CATSPERT: variants seen among roughly 807,000 people sequenced by gnomAD.
CATSPERT encodes catsper channel auxiliary subunit tau, also known as cation channel sperm-associated targeting subunit tau.
chr2:201,592,658 A>T, the CATSPERT span, among the ~76,000 whole-genome samples: 2 of 151,546 alleles, frequency 1.3e-5, no homozygotes, highest in Non-Finnish European at 2.9e-5. Flanking sequence ...ACAATTTCAG[A>T]GCCTGTTATT....
chr2:201,598,385 G>A, the CATSPERT span, among the ~76,000 whole-genome samples: 34 of 152,004 alleles, frequency 2.2e-4, no homozygotes, highest in Admixed American at 2.1e-3. Flanking sequence ...GATTATAGGC[G>A]TGAGCCACTA....
the CATSPERT span, among the ~76,000 whole-genome samples, chr2:201,618,530 G>T: frequency 6.9e-6 from 1 of 145,400 alleles, no homozygotes; most frequent in Admixed American, 6.9e-5. Flanking sequence ...TGGACACGGG[G>T]GGGGAACATC....
the CATSPERT span, chr2:201,603,341 T>C: frequency 7.4e-7 from 1 of 1,348,118 alleles, no homozygotes. Context: ...TCTTTCACTT[T>C]ACACTGAGCT....
At chr2:201,489,699 T>C in the CATSPERT span, among the ~76,000 whole-genome samples, 1 of 152,202 alleles carries the variant, frequency 6.6e-6, no homozygotes, top group Non-Finnish European at 1.5e-5. Context: ...TTTTACTTAC[T>C]CATATTTACT....
At chr2:201,589,151 A>G in the CATSPERT span, among the ~76,000 whole-genome samples, 1 of 152,242 alleles carries the variant, frequency 6.6e-6, no homozygotes, top group African/African-American at 2.4e-5. Flanking sequence ...CATAGAAAGA[A>G]TCAATATCAT....
the CATSPERT span, among the ~76,000 whole-genome samples, chr2:201,501,378 AG>A: frequency 7.1e-6 from 1 of 140,282 alleles, no homozygotes; most frequent in Admixed American, 7.6e-5. Context: ...CTGGGCAACA[AG>A]AGCGAAACTC....
chr2:201,504,683 G>C, the CATSPERT span, among the ~76,000 whole-genome samples: 147 of 152,278 alleles, frequency 9.7e-4, 3 homozygotes, highest in South Asian at 9.3e-3. Flanking sequence ...TCCTTGCCCA[G>C]GATCTATAAG....
chr2:201,491,841 T>G, the CATSPERT span: 2 of 1,537,038 alleles, frequency 1.3e-6, no homozygotes, highest in Non-Finnish European at 1.7e-6. Flanking sequence ...TATATGGGTC[T>G]TGAATCTCTG....
At chr2:201,565,304 C>A in the CATSPERT span, among the ~76,000 whole-genome samples, 25 of 144,280 alleles carry the variant, frequency 1.7e-4, no homozygotes, top group South Asian at 4.5e-4. Flanking sequence ...GGCCTCGTCT[C>A]AAAAAAAAAA....
At chr2:201,593,604 T>C in the CATSPERT span, among the ~76,000 whole-genome samples, 2 of 138,370 alleles carry the variant, frequency 1.4e-5, no homozygotes, top group Non-Finnish European at 3.1e-5. Context: ...TATTAATGTG[T>C]GGGAGTCTAA....
At chr2:201,567,646 A>G in the CATSPERT span, among the ~76,000 whole-genome samples, 2 of 152,144 alleles carry the variant, frequency 1.3e-5, no homozygotes, top group East Asian at 3.9e-4. Context: ...CAGTTCAAAG[A>G]TAGGCGGGAG....
the CATSPERT span, chr2:201,603,097 T>C: frequency 1.4e-6 from 1 of 739,624 alleles, no homozygotes; most frequent in African/African-American, 1.8e-5. Flanking sequence ...GAATGAACAG[T>C]AGTGATTGAT....
chr2:201,561,102 C>G, the CATSPERT span, among the ~76,000 whole-genome samples: 2 of 152,156 alleles, frequency 1.3e-5, no homozygotes, highest in Non-Finnish European at 2.9e-5. Context: ...TTCAATTACA[C>G]TCTTCCCAGA....
At chr2:201,600,309 C>A in the CATSPERT span, among the ~76,000 whole-genome samples, 1 of 152,096 alleles carries the variant, frequency 6.6e-6, no homozygotes, top group African/African-American at 2.4e-5. Flanking sequence ...AGCTGGAAAC[C>A]ATCATTCTTA....
At chr2:201,595,465 G>A in the CATSPERT span, among the ~76,000 whole-genome samples, 7 of 152,148 alleles carry the variant, frequency 4.6e-5, no homozygotes, top group Non-Finnish European at 8.8e-5. Flanking sequence ...TGGGATTACA[G>A]GCGTGAGCCA....
the CATSPERT span, among the ~76,000 whole-genome samples, chr2:201,549,419 C>T: frequency 9.9e-5 from 15 of 152,046 alleles, no homozygotes; most frequent in Non-Finnish European, 2.1e-4. Flanking sequence ...CTAAAAATTT[C>T]GAATGATTTC....
At chr2:201,576,597 AC>A in the CATSPERT span, among the ~76,000 whole-genome samples, 4 of 152,226 alleles carry the variant, frequency 2.6e-5, no homozygotes, top group Non-Finnish European at 5.9e-5. Flanking sequence ...TGTAATGTTT[AC>A]ATACTAAGTG....
At chr2:201,491,724 A>C in the CATSPERT span, 3 of 1,537,092 alleles carry the variant, frequency 2.0e-6, no homozygotes, top group South Asian at 2.4e-5. Context: ...TTTCCTGAAC[A>C]GTCCATTTAT....
At chr2:201,587,567 C>A in the CATSPERT span, among the ~76,000 whole-genome samples, 1 of 152,122 alleles carries the variant, frequency 6.6e-6, no homozygotes, top group Non-Finnish European at 1.5e-5. Flanking sequence ...TGTTGTGCAT[C>A]TGAATGTAAT....
Sources: allele counts gnomAD v4.1 joint callset (sites outside exome capture counted in the v4.1 genomes callset), GRCh38; gene constraint gnomAD v4.1.1; transcripts MANE v1.5; gene names NCBI Gene and HGNC (gene_info 2026-07-23, HGNC 2026-07-21).